PPARGC1A: variants seen among roughly 807,000 people sequenced by gnomAD.
PPARGC1A encodes PPARG coactivator 1 alpha.
Under a neutral mutation model 88.7 loss-of-function variants are expected in PPARGC1A, and 25 were observed. The ratio of observed to expected loss-of-function variants is 0.28; its 90% confidence interval spans 0.21 to 0.39. The LOEUF (loss-of-function observed/expected upper bound fraction) is 0.39. Among genes scored for constraint, PPARGC1A ranks in the 10% least tolerant of loss-of-function variants. The pLI is 1.00. For synonymous variants in PPARGC1A, 363 were observed against 355.6 expected (o/e 1.02, Z -0.24); for missense variants, 880 against 968.7 (o/e 0.91, Z 1.22).
At chr4:24,316,235 G>A in the PPARGC1A span, among the ~76,000 whole-genome samples, 1 of 152,176 alleles carries the variant, frequency 6.6e-6, no homozygotes, top group Non-Finnish European at 1.5e-5. Flanking sequence ...TGCCACAGTG[G>A]GTTCTATCTT....
At chr4:24,360,321 C>T in the PPARGC1A span, among the ~76,000 whole-genome samples, 3 of 152,160 alleles carry the variant, frequency 2.0e-5, no homozygotes, top group Non-Finnish European at 4.4e-5. Context: ...AAAATCCAAA[C>T]TCCACACTAT....
the PPARGC1A span, among the ~76,000 whole-genome samples, chr4:24,179,387 G>T: frequency 1.3e-5 from 2 of 152,108 alleles, no homozygotes; most frequent in African/African-American, 4.8e-5. Context: ...CCTTGCATCT[G>T]ACCTGGCCTT....
chr4:23,843,673 G>A (rs1727470254), intron 2 of PPARGC1A, among the ~76,000 whole-genome samples: 1 of 151,912 alleles, frequency 6.6e-6, no homozygotes, highest in South Asian at 2.1e-4. Context: ...AAATTGTAAG[G>A]ATGGTACCAA....
chr4:24,132,136 T>A, the PPARGC1A span, among the ~76,000 whole-genome samples: 2 of 152,126 alleles, frequency 1.3e-5, no homozygotes, highest in African/African-American at 4.8e-5. Context: ...GGTGCTGTTA[T>A]TATCCCTGTT....
At chr4:24,425,742 T>C in the PPARGC1A span, among the ~76,000 whole-genome samples, 166 of 152,342 alleles carry the variant, frequency 1.1e-3, 1 homozygote, top group African/African-American at 3.8e-3. Context: ...TATCCAACCG[T>C]TGGGCTGAAT....
chr4:24,122,067 G>A, the PPARGC1A span, among the ~76,000 whole-genome samples: 3 of 152,148 alleles, frequency 2.0e-5, no homozygotes, highest in South Asian at 2.1e-4. Context: ...CAGGGGAATA[G>A]GGGAAGTGGA....
the PPARGC1A span, among the ~76,000 whole-genome samples, chr4:24,076,176 ACT>A: frequency 6.6e-6 from 1 of 152,134 alleles, no homozygotes; most frequent in Non-Finnish European, 1.5e-5. Context: ...ATTAGCAGGC[ACT>A]GTGTTCATCT....
intron 1 of PPARGC1A, among the ~76,000 whole-genome samples, chr4:23,886,373 G>A (rs1158397328): frequency 1.3e-5 from 2 of 152,110 alleles, no homozygotes; most frequent in Non-Finnish European, 2.9e-5. Context: ...ATGCAGCAGC[G>A]TGATCAAAAG....
chr4:23,964,763 G>C, the PPARGC1A span, among the ~76,000 whole-genome samples: 1 of 152,124 alleles, frequency 6.6e-6, no homozygotes, highest in Non-Finnish European at 1.5e-5. Context: ...CAACACTGGA[G>C]GGTTGAACAA....
At chr4:24,194,667 CA>C in the PPARGC1A span, among the ~76,000 whole-genome samples, 7 of 8,290 alleles carry the variant, frequency 8.4e-4, no homozygotes, top group Admixed American at 2.1e-3. Context: ...CACACACACA[CA>C]CCCCCATCAA....
At chr4:24,150,939 C>G in the PPARGC1A span, among the ~76,000 whole-genome samples, 1 of 152,200 alleles carries the variant, frequency 6.6e-6, no homozygotes, top group African/African-American at 2.4e-5. Flanking sequence ...CCACGCATCT[C>G]TTTCATGTCC....
chr4:24,116,200 C>A, the PPARGC1A span, among the ~76,000 whole-genome samples: 1 of 152,196 alleles, frequency 6.6e-6, no homozygotes, highest in Non-Finnish European at 1.5e-5. Flanking sequence ...AACCATCCAA[C>A]TAGATAACTC....
the PPARGC1A span, among the ~76,000 whole-genome samples, chr4:23,913,242 TTATATATATA>T: frequency 2.5e-4 from 24 of 94,618 alleles, 1 homozygote; most frequent in South Asian, 3.3e-3. Flanking sequence ...ATTATATATT[TTATATATATA>T]TATATATATA....
At chr4:23,950,490 C>T in the PPARGC1A span, among the ~76,000 whole-genome samples, 1 of 152,120 alleles carries the variant, frequency 6.6e-6, no homozygotes, top group Non-Finnish European at 1.5e-5. Flanking sequence ...CATGATGAAG[C>T]CTCTCTCAGT....
At chr4:24,152,550 G>A in the PPARGC1A span, among the ~76,000 whole-genome samples, 1 of 152,262 alleles carries the variant, frequency 6.6e-6, no homozygotes, top group Non-Finnish European at 1.5e-5. Flanking sequence ...GCTACATTTG[G>A]CCAATACTAC....
the PPARGC1A span, among the ~76,000 whole-genome samples, chr4:23,951,773 G>A: frequency 6.6e-6 from 1 of 152,110 alleles, no homozygotes; most frequent in Non-Finnish European, 1.5e-5. Context: ...ACCCATTCAT[G>A]AAAAATAAGT....
At chr4:24,180,073 G>A in the PPARGC1A span, among the ~76,000 whole-genome samples, 2 of 152,038 alleles carry the variant, frequency 1.3e-5, no homozygotes, top group African/African-American at 2.4e-5. Context: ...TGACTGTGTC[G>A]ACTCTGACTA....
the PPARGC1A span, among the ~76,000 whole-genome samples, chr4:24,157,725 A>C: frequency 6.6e-6 from 1 of 151,882 alleles, no homozygotes; most frequent in Non-Finnish European, 1.5e-5. Context: ...TCTGCTTCCA[A>C]AACCTGTCCT....
chr4:24,058,855 G>C, the PPARGC1A span, among the ~76,000 whole-genome samples: 19 of 152,290 alleles, frequency 1.2e-4, no homozygotes, highest in East Asian at 1.7e-3. Context: ...TGAGGCAGGA[G>C]AATCGCTTGA....
Sources: gnomAD v4.1 joint callset for allele counts (sites outside exome capture counted in the v4.1 genomes callset) on GRCh38, gnomAD v4.1.1 for gene constraint, MANE v1.5 for transcripts, NCBI Gene and HGNC (gene_info 2026-07-23, HGNC 2026-07-21) for gene names.